PPIL6: variants seen among roughly 807,000 people sequenced by gnomAD.
PPIL6 encodes peptidylprolyl isomerase like 6.
PPIL6 carries 39 observed loss-of-function variants against 36.8 expected under a neutral mutation model. The ratio of observed to expected loss-of-function variants is 1.06; its 90% CI spans 0.82 to 1.38. The LOEUF is 1.38. Among genes scored for constraint, PPIL6 ranks in the 40% most tolerant of loss-of-function variants. The pLI, the probability that PPIL6 is intolerant of heterozygous loss-of-function variation, is 0.00. For synonymous variants in PPIL6, 123 were observed against 134.1 expected (o/e 0.92, Z 0.57); for missense variants, 368 against 379.1 (o/e 0.97, Z 0.24).
intron 2 of PPIL6, 31 bp from the exon 3 acceptor site, chr6:109,431,376 A>C: frequency 6.6e-7 from 1 of 1,520,664 alleles, no homozygotes; most frequent in Non-Finnish European, 8.9e-7. Flanking sequence ...AAAAAAAAAA[A>C]ACGTAAGAAG....
chr6:109,402,537 A>AG (rs1772601980), intron 6 of PPIL6, among the ~76,000 whole-genome samples: 1 of 152,134 alleles, frequency 6.6e-6, no homozygotes, highest in Admixed American at 6.5e-5. Flanking sequence ...CTCGGTCTCA[A>AG]GAAAAAAAAA....
chr6:109,397,142 C>T (rs1020747563), intron 7 of PPIL6, among the ~76,000 whole-genome samples: 1 of 151,058 alleles, frequency 6.6e-6, no homozygotes, highest in Non-Finnish European at 1.5e-5. Flanking sequence ...AGCCCAGCCC[C>T]AACTGTGATT....
intron 6 of PPIL6, among the ~76,000 whole-genome samples, chr6:109,412,037 C>T (rs983233043): frequency 3.3e-5 from 5 of 152,190 alleles, no homozygotes; most frequent in South Asian, 2.1e-4. Context: ...TAAAATAGGG[C>T]CAGGGCGAAA....
Position 109,391,311 on chromosome 6 carries a change from A to C in PPIL6, c.*1515T>G, listed in dbSNP as rs1489825755. ...TCAAAAAAAAAAAAAAAAAAAAAAA[A>C]AAAAAGAAAAGCACTCTTAGTCTGG... On this transcript the variant is annotated 3_prime_UTR_variant, in exon 8 of 8. Coordinates refer to ENST00000521072, the MANE Select transcript of PPIL6 (RefSeq NM_173672.5). 1 of 147,682 alleles carries C rather than the reference A, an allele frequency of 6.8e-6. No homozygotes were observed. The highest frequency in any genetic ancestry group is 2.7e-5 in the African/African-American group (1 of 36,794). The allele number at this position is 147,682 out of a possible 1,614,324, so 9.1% of individuals were successfully genotyped here.
chr6:109,440,775 G>A, upstream of PPIL6: 1 of 335,574 alleles, frequency 3.0e-6, no homozygotes. Flanking sequence ...GGCCGCGACC[G>A]CCGGGGACGA....
chr6:109,393,106 A>T (rs1582512752), intron 7 of PPIL6, among the ~76,000 whole-genome samples, 169 bp from the exon 8 acceptor site: 1 of 152,148 alleles, frequency 6.6e-6, no homozygotes, highest in South Asian at 2.1e-4. Flanking sequence ...ACTTTACCAC[A>T]CCTGCAGTAT....
chr6:109,402,797 C>A (rs1772615447), intron 6 of PPIL6, among the ~76,000 whole-genome samples: 1 of 151,922 alleles, frequency 6.6e-6, no homozygotes, highest in South Asian at 2.1e-4. Context: ...GGCTATGCTG[C>A]TTCCAGCCAG....
chr6:109,396,351 G>A (rs764641347), intron 7 of PPIL6, among the ~76,000 whole-genome samples: 1 of 151,994 alleles, frequency 6.6e-6, no homozygotes, highest in Non-Finnish European at 1.5e-5. Flanking sequence ...CATCACCTTT[G>A]CGTGAGGTTC....
In PPIL6 at chr6:109,392,169, T is replaced by C. The variant is rs1357106683; in HGVS notation, c.*657A>G. The C allele has an allele frequency of 6.9e-6, 1 of 145,792 alleles. No homozygotes were observed. The highest frequency in any genetic ancestry group is 1.5e-5 in the Non-Finnish European group (1 of 67,388). 9.0% of individuals were successfully genotyped at this position (145,792 alleles called of 1,614,324 possible). A position where few individuals can be genotyped will look rare whatever the true frequency, so the allele number is the denominator to read the frequency against. On this transcript the variant is annotated 3_prime_UTR_variant, in exon 8 of 8. Transcript: ENST00000521072. ...GAGACTGGGGCTGACATCTCTGCAG[T>C]ACTTGGCCTTTCTTTTTTTTTGAGA...
At chr6:109,415,318 T>A (rs542516839) in intron 6 of PPIL6, among the ~76,000 whole-genome samples, 1 of 152,366 alleles carries the variant, frequency 6.6e-6, no homozygotes, top group South Asian at 2.1e-4. Context: ...AAGTCAAAAG[T>A]AGTCTTGAGT....
chr6:109,398,255 TAAGAC>T (rs148112105), intron 7 of PPIL6, among the ~76,000 whole-genome samples: 2,629 of 152,330 alleles, frequency 0.017, 69 homozygotes, highest in African/African-American at 0.061. Context: ...AGGGAAAACT[TAAGAC>T]AAGTCATTGT....
At chr6:109,412,224 T>C (rs1256978099) in intron 6 of PPIL6, among the ~76,000 whole-genome samples, 3 of 152,200 alleles carry the variant, frequency 2.0e-5, no homozygotes, top group East Asian at 1.9e-4. Flanking sequence ...AATGTGACTG[T>C]AAAACTGTCC....
intron 1 of PPIL6, among the ~76,000 whole-genome samples, chr6:109,436,530 C>T (rs1774456958): frequency 1.3e-5 from 2 of 152,206 alleles, no homozygotes; most frequent in Non-Finnish European, 2.9e-5. Flanking sequence ...CCAGCCTGGC[C>T]AACATGGCAA....
At chr6:109,420,540 T>G (rs1052698547) in intron 5 of PPIL6, among the ~76,000 whole-genome samples, 1 of 152,070 alleles carries the variant, frequency 6.6e-6, no homozygotes, top group African/African-American at 2.4e-5. Context: ...GCTCCCACTA[T>G]AAAAAGACTC....
At chr6:109,439,193 T>G (rs1045296671) in intron 1 of PPIL6, among the ~76,000 whole-genome samples, 1 of 152,010 alleles carries the variant, frequency 6.6e-6, no homozygotes, top group African/African-American at 2.4e-5. Flanking sequence ...AGAAAAAAAA[T>G]CTCTGAAACT....
chr6:109,395,832 T>G, intron 7 of PPIL6, among the ~76,000 whole-genome samples: 1 of 33,562 alleles, frequency 3.0e-5, no homozygotes, highest in East Asian at 1.1e-3. Flanking sequence ...TCTCGATCTC[T>G]TTTTTTTTTT....
chr6:109,439,329 CA>C (rs1774651045), intron 1 of PPIL6, among the ~76,000 whole-genome samples: 1 of 152,160 alleles, frequency 6.6e-6, no homozygotes, highest in Non-Finnish European at 1.5e-5. Context: ...GTATTATTTT[CA>C]CAGACTTCTG....
At chr6:109,431,389 G>C (rs1446036162) in intron 2 of PPIL6, 44 bp from the exon 3 acceptor site, 1 of 1,440,132 alleles carries the variant, frequency 6.9e-7, no homozygotes, top group South Asian at 1.3e-5. Flanking sequence ...GTAAGAAGTG[G>C]GGGGAAAACT....
At chr6:109,435,992 A>T (rs546065337) in intron 2 of PPIL6, 112 bp downstream of exon 2, 5 of 744,576 alleles carry the variant, frequency 6.7e-6, no homozygotes, top group Non-Finnish European at 9.7e-6. Flanking sequence ...GTAGAGAAAT[A>T]AAATCTAGTT....
Sources: allele counts gnomAD v4.1 joint callset (sites outside exome capture counted in the v4.1 genomes callset), GRCh38; gene constraint gnomAD v4.1.1; transcripts MANE v1.5; gene names NCBI Gene and HGNC (gene_info 2026-07-23, HGNC 2026-07-21).